The following PAX2 variants were observed in gnomAD, a reference collection of about 807,000 sequenced individuals.
The protein encoded by PAX2 is paired box protein Pax-2.
PAX2 carries 9 observed loss-of-function variants against 41.7 expected under a neutral mutation model. The ratio of observed to expected loss-of-function variants is 0.22; its 90% CI spans 0.13 to 0.38. The LOEUF (loss-of-function observed/expected upper bound fraction) is 0.38. PAX2 is among the 10% of genes least tolerant of loss of function. The pLI, the probability that PAX2 is intolerant of heterozygous loss-of-function variation, is 1.00. For missense variants in PAX2, 418 were observed against 531.6 expected (o/e 0.79, Z 2.10); for synonymous variants, 221 against 212.7 (o/e 1.04, Z -0.34).
At chr10:100,786,160 C>A (rs1318438853) in intron 5 of PAX2, among the ~76,000 whole-genome samples, 1 of 152,224 alleles carries the variant, frequency 6.6e-6, no homozygotes, top group Non-Finnish European at 1.5e-5. Context: ...GTAACTAGGG[C>A]AGCCTTTAGT....
At chr10:100,747,859 C>T (rs890256174) in intron 1 of PAX2, 11 of 984,780 alleles carry the variant, frequency 1.1e-5, no homozygotes, top group South Asian at 4.7e-5. Context: ...CCTCGCGGCC[C>T]GCTGCCACAG....
chr10:100,747,769 G>A, intron 1 of PAX2: 4 of 985,070 alleles, frequency 4.1e-6, no homozygotes, highest in Non-Finnish European at 4.8e-6. Context: ...CGCGGGTCTC[G>A]GCGAGCGGGC....
At position 100,827,127 on chromosome 10, in the gene PAX2, AGCG is replaced by A; in HGVS notation, c.1108+33_1108+35del. ...ACGCCACCTGGCTGGCCGGCGGCTCAGCGCGGCCGCGCGGCTTCTGGGCACGGT... is the reference window on the plus strand; with the variant it reads ...ACGCCACCTGGCTGGCCGGCGGCTCACGGCCGCGCGGCTTCTGGGCACGGT... On this transcript the variant is annotated intron_variant, in intron 9 of 9. Coordinates refer to ENST00000355243, the MANE Select transcript of PAX2 (RefSeq NM_000278.5). This position sits in a 1 kb window ranked among gnomAD's most constrained non-coding sequence, Gnocchi z 8.5. 6.4e-7 allele frequency: 1 copy of A among 1,559,820 alleles called. No homozygotes were observed. Among genetic ancestry groups the A allele is most frequent in the Non-Finnish European group, 8.8e-7 (1 of 1,131,486 alleles).
intron 5 of PAX2, among the ~76,000 whole-genome samples, chr10:100,790,825 C>T (rs975314593): frequency 3.3e-5 from 5 of 152,184 alleles, no homozygotes; most frequent in Non-Finnish European, 4.4e-5. Flanking sequence ...TGTCTGGGAC[C>T]CTCTCCATTT....
upstream of PAX2, among the ~76,000 whole-genome samples, chr10:100,742,801 T>G (rs1051101355): frequency 1.3e-5 from 2 of 149,960 alleles, no homozygotes; most frequent in African/African-American, 2.5e-5. Context: ...TTGGGTTGTT[T>G]TCTTTCTTTC....
intron 7 of PAX2, among the ~76,000 whole-genome samples, chr10:100,811,137 G>A (rs895422229): frequency 4.6e-5 from 7 of 152,180 alleles, no homozygotes; most frequent in African/African-American, 1.7e-4. Context: ...GTGGAGAGGT[G>A]GGGGAGGGAA....
chr10:100,762,538 C>G (rs1210002221), intron 3 of PAX2, among the ~76,000 whole-genome samples: 1 of 152,124 alleles, frequency 6.6e-6, no homozygotes, highest in East Asian at 1.9e-4. Flanking sequence ...TCTAAATTTC[C>G]TATTTACTGA....
At position 100,809,220 on chromosome 10, in the gene PAX2, A is replaced by G. The variant is rs1396048397; in HGVS notation, c.903A>G (p.Thr301=). 3.1e-6 allele frequency: 5 copies of G among 1,613,820 alleles called. No individual in the cohort carries two copies. In the Admixed American group the frequency reaches 8.3e-5, roughly 27 times the overall value. Residue 301 remains threonine (T), a synonymous_variant, in exon 7 of 10, where the codon ACA becomes ACG. Transcript: ENST00000355243. ...GCAGCAACGTGTCAGGCACACAGAC[A>G]TACCCAGTTGTGACTGGTAAGGGGG... is the stretch of plus-strand genomic sequence containing the variant. ...ELGSNVSGTQ[T]YPVVTGRDMA... is the part of the protein sequence containing the mutation.
chr10:100,790,017 A>G (rs554164144), intron 5 of PAX2, among the ~76,000 whole-genome samples: 1 of 152,250 alleles, frequency 6.6e-6, no homozygotes, highest in African/African-American at 2.4e-5. Flanking sequence ...ACATAGGTGC[A>G]TGCATCTGCA....
Position 100,826,962 on chromosome 10 carries a change from G to A in PAX2, c.1022-47G>A. The A allele has an allele frequency of 7.4e-7, 1 of 1,351,316 alleles. No homozygotes were observed. Among genetic ancestry groups the A allele is most frequent in the South Asian group, 1.2e-5 (1 of 85,472 alleles). The allele number at this position is 1,351,316 out of a possible 1,614,324, so 83.7% of individuals were successfully genotyped here. A position where few individuals can be genotyped will look rare whatever the true frequency, so the allele number is the denominator to read the frequency against. On this transcript the variant is annotated intron_variant, in intron 8 of 9. Transcript: ENST00000355243. The surrounding 1 kb of genome is among the most constrained non-coding windows in gnomAD (Gnocchi z 5.5). ...GCCACCGGCCGGACTCGTGGGGTCC[G>A]CCCTGGCTTGCAGGCGTCTGATCCC...
rs1564737100 is a variant in PAX2 at position 100,806,461 on chromosome 10, T to G, written c.648T>G (p.Asp216Glu). The change falls in exon 6 of 10, where the codon GAT becomes GAG. Residue 216 changes from aspartate to glutamate, a missense_variant. Asp to Glu is a conservative substitution (Grantham distance 45). Transcript: ENST00000355243. The part of the protein sequence containing the change: ...DVSEGSVPNG[D>E]SQSGVDSLRK... ...CTGAGGGCTCAGTCCCCAATGGAGA[T>G]TCCCAGAGTGGTGTGGACAGTTTGC... 1 of 1,614,228 alleles carries G rather than the reference T, an allele frequency of 6.2e-7. No individual in the cohort carries two copies. The highest frequency in any genetic ancestry group is 8.5e-7 in the Non-Finnish European group (1 of 1,180,040).
Position 100,820,586 on chromosome 10 carries a change from G to A in PAX2, c.920-4062G>A, listed in dbSNP as rs532027023. Among the ~76,000 whole-genome samples, 13 of 152,298 alleles carry A rather than the reference G, an allele frequency of 8.5e-5. No individual in the cohort carries two copies. In the East Asian group the frequency reaches 2.5e-3, roughly 29 times the overall value. Reference sequence around the variant, plus strand: ...ATACAAAAATTAGACGGGCATGGTGGCACACAACTATAGTCCCAGCTACAG... The same window carrying A: ...ATACAAAAATTAGACGGGCATGGTGACACACAACTATAGTCCCAGCTACAG... On this transcript the variant is annotated intron_variant, in intron 7 of 9. Coordinates refer to ENST00000355243, the MANE Select transcript of PAX2 (RefSeq NM_000278.5).
chr10:100,756,425 G>A (rs1159875067), intron 3 of PAX2, among the ~76,000 whole-genome samples: 2 of 152,214 alleles, frequency 1.3e-5, no homozygotes, highest in African/African-American at 4.8e-5. Flanking sequence ...AAAGTGACAA[G>A]CATCCAGTAG....
At position 100,748,767 on chromosome 10, in the gene PAX2, C is replaced by T. The variant is rs1201463424; in HGVS notation, c.44-979C>T. The T allele has an allele frequency of 1.0e-6, 1 of 985,442 alleles. No homozygotes were observed. Among genetic ancestry groups the T allele is most frequent in the Non-Finnish European group, 1.2e-6 (1 of 829,950 alleles). The allele number at this position is 985,442 out of a possible 1,614,324, so 61.0% of individuals were successfully genotyped here. On this transcript the variant is annotated intron_variant, in intron 1 of 9. Coordinates refer to ENST00000355243, the MANE Select transcript of PAX2 (RefSeq NM_000278.5). This position sits in a 1 kb window ranked among gnomAD's most constrained non-coding sequence, Gnocchi z 5.0. ...TCTCTTGGCCGAAAGAGCAAAAGCC[C>T]GAGCCGCTCGGTTTCCTGGGGGGGC... is the stretch of plus-strand genomic sequence containing the variant.
intron 3 of PAX2, among the ~76,000 whole-genome samples, chr10:100,752,859 G>A (rs1382721850): frequency 6.6e-6 from 1 of 152,182 alleles, no homozygotes; most frequent in Non-Finnish European, 1.5e-5. Context: ...ATCCTGAAAA[G>A]CCATGGAGAA....
intron 5 of PAX2, among the ~76,000 whole-genome samples, chr10:100,795,307 C>T (rs1412762491): frequency 6.6e-6 from 1 of 152,126 alleles, no homozygotes; most frequent in African/African-American, 2.4e-5. Flanking sequence ...GGACACAGTC[C>T]TTGACCTCAA....
At chr10:100,777,984 C>T (rs748884463) in intron 3 of PAX2, among the ~76,000 whole-genome samples, 2 of 152,332 alleles carry the variant, frequency 1.3e-5, no homozygotes, top group Middle Eastern at 3.4e-3. Context: ...AGCAGGCTCG[C>T]GTGGCTTCCG....
In PAX2 at chr10:100,782,282, G is replaced by T. The variant is rs572057875; in HGVS notation, c.616+917G>T. On this transcript the variant is annotated intron_variant, in intron 5 of 9. Transcript: ENST00000355243. ...AGAATCCTCAAACAATGAGCATAAA[G>T]GGGTGACCATCTATCCCATTAGCCC... Among the ~76,000 whole-genome samples the T allele has an allele frequency of 5.3e-5, 8 of 150,920 alleles. No individual in the cohort carries two copies. In the South Asian group the frequency reaches 1.7e-3, roughly 32 times the overall value.
At chr10:100,771,468 A>C (rs899282015) in intron 3 of PAX2, among the ~76,000 whole-genome samples, 2 of 152,224 alleles carry the variant, frequency 1.3e-5, no homozygotes, top group Non-Finnish European at 2.9e-5. Context: ...GCCTTAAAGG[A>C]AGCCACGTGC....
Sources: gnomAD v4.1 joint callset for allele counts (sites outside exome capture counted in the v4.1 genomes callset) on GRCh38, gnomAD v4.1.1 for gene constraint, Gnocchi (gnomAD v3.1) non-coding constraint, MANE v1.5 for transcripts, NCBI Gene and HGNC (gene_info 2026-07-23, HGNC 2026-07-21) for gene names.